Variants in TENM3 observed in about 807,000 individuals in gnomAD.
TENM3 encodes the protein teneurin-3.
In TENM3, 63 loss-of-function variants were observed where a neutral mutation model predicts 255.1. The observed-to-expected ratio is 0.25, with a 90% CI of 0.20 to 0.30. The LOEUF (loss-of-function observed/expected upper bound fraction) is 0.30. Among genes scored for constraint, TENM3 ranks in the 10% least tolerant of loss-of-function variants. TENM3 has a pLI of 1.00. For synonymous variants in TENM3, 1,306 were observed against 1,322.3 expected, an observed-to-expected ratio of 0.99 and a Z score of 0.27; for missense variants, 2,929 against 3,461.1, an observed-to-expected ratio of 0.85 and a Z score of 3.86.
chr4:181,615,067 TC>T, the TENM3 span, among the ~76,000 whole-genome samples: 1 of 152,162 alleles, frequency 6.6e-6, no homozygotes, highest in African/African-American at 2.4e-5. Flanking sequence ...ATGTCTAGGT[TC>T]CCAGGCTGAT....
At chr4:181,644,587 C>T in the TENM3 span, among the ~76,000 whole-genome samples, 4 of 152,150 alleles carry the variant, frequency 2.6e-5, no homozygotes, top group East Asian at 5.8e-4. Flanking sequence ...CTGCCTGCCT[C>T]ACCAAATTCA....
the TENM3 span, among the ~76,000 whole-genome samples, chr4:181,529,354 G>T: frequency 1.3e-5 from 2 of 152,200 alleles, no homozygotes; most frequent in Non-Finnish European, 2.9e-5. Flanking sequence ...CTTGGGCGAT[G>T]ACAGTGTAGT....
chr4:182,009,407 T>A, the TENM3 span, among the ~76,000 whole-genome samples: 1 of 151,892 alleles, frequency 6.6e-6, no homozygotes, highest in Middle Eastern at 3.4e-3. Context: ...CCGAATTCTG[T>A]CCCTGAGCCT....
chr4:182,440,735 C>A (rs1388639999), intron 3 of TENM3, among the ~76,000 whole-genome samples: 1 of 151,936 alleles, frequency 6.6e-6, no homozygotes, highest in African/African-American at 2.4e-5. Context: ...TATGAAAGGT[C>A]CTTATTGAGA....
intron 3 of TENM3, among the ~76,000 whole-genome samples, chr4:182,531,969 G>A (rs1201766175): frequency 6.6e-6 from 1 of 152,180 alleles, no homozygotes; most frequent in African/African-American, 2.4e-5. Flanking sequence ...TTGCAAGCAG[G>A]CCTTTTAAAG....
chr4:181,911,470 T>C, the TENM3 span, among the ~76,000 whole-genome samples: 3 of 152,184 alleles, frequency 2.0e-5, no homozygotes, highest in Non-Finnish European at 2.9e-5. Context: ...GAGAAAGATA[T>C]TCGTGTTGAT....
At chr4:182,263,074 G>A (rs776377465) in intron 1 of TENM3, among the ~76,000 whole-genome samples, 1 of 151,976 alleles carries the variant, frequency 6.6e-6, no homozygotes, top group Non-Finnish European at 1.5e-5. Context: ...GGTCTGGATG[G>A]GGACCCTTTC....
At chr4:182,186,433 C>T (rs1431813014) in intron 1 of TENM3, among the ~76,000 whole-genome samples, 2 of 151,760 alleles carry the variant, frequency 1.3e-5, no homozygotes, top group African/African-American at 2.4e-5. Flanking sequence ...ATGTATATAT[C>T]GATGTCTTTG....
At chr4:181,930,784 G>A in the TENM3 span, among the ~76,000 whole-genome samples, 4 of 152,118 alleles carry the variant, frequency 2.6e-5, no homozygotes, top group African/African-American at 7.2e-5. Flanking sequence ...CTGGCAAACC[G>A]AATCCAGCAG....
chr4:181,524,405 G>A, the TENM3 span, among the ~76,000 whole-genome samples: 2 of 152,204 alleles, frequency 1.3e-5, no homozygotes, highest in African/African-American at 2.4e-5. Context: ...TGAAGCAAAA[G>A]CGAACTCCGT....
At chr4:181,494,805 A>G in the TENM3 span, among the ~76,000 whole-genome samples, 1 of 152,100 alleles carries the variant, frequency 6.6e-6, no homozygotes, top group Non-Finnish European at 1.5e-5. Context: ...TGTCATCTTT[A>G]TAAATCCTCA....
the TENM3 span, among the ~76,000 whole-genome samples, chr4:181,777,457 A>G: frequency 6.6e-6 from 1 of 151,808 alleles, no homozygotes; most frequent in Non-Finnish European, 1.5e-5. Flanking sequence ...TGTCGTTTGT[A>G]TTTGATGGAG....
At chr4:181,846,503 A>G in the TENM3 span, among the ~76,000 whole-genome samples, 1 of 152,258 alleles carries the variant, frequency 6.6e-6, no homozygotes, top group South Asian at 2.1e-4. Context: ...ATTTTGTTTG[A>G]GTCATTTTGG....
At chr4:181,663,048 G>C in the TENM3 span, among the ~76,000 whole-genome samples, 2 of 152,052 alleles carry the variant, frequency 1.3e-5, no homozygotes, top group Non-Finnish European at 2.9e-5. Flanking sequence ...TTTATTTCCT[G>C]GTCTCCGTTT....
chr4:182,121,882 C>A, the TENM3 span, among the ~76,000 whole-genome samples: 1 of 152,188 alleles, frequency 6.6e-6, no homozygotes, highest in African/African-American at 2.4e-5. Flanking sequence ...GTGTGTGATG[C>A]TATTTGATAG....
At chr4:182,796,855 T>C in intron 27 of TENM3, 88 bp downstream of exon 27, 1 of 1,035,952 alleles carries the variant, frequency 9.7e-7, no homozygotes. Context: ...GTGAAAACTG[T>C]ACCAAAGACA....
At chr4:181,900,794 A>G in the TENM3 span, among the ~76,000 whole-genome samples, 1 of 152,186 alleles carries the variant, frequency 6.6e-6, no homozygotes, top group Non-Finnish European at 1.5e-5. Context: ...CCCCCGGAGC[A>G]CAAGAGCTGC....
chr4:182,651,704 A>AAAAAAAAAG (rs1269266945), intron 5 of TENM3, among the ~76,000 whole-genome samples: 2 of 147,796 alleles, frequency 1.4e-5, no homozygotes, highest in East Asian at 4.2e-4. Flanking sequence ...CTCAGAAAAA[A>AAAAAAAAAG]AAAAGAAAAT....
rs148044852 is a variant in TENM3 at position 182,524,242 on chromosome 4, T to C, written c.512-76682T>C. 4.3e-4 allele frequency among the ~76,000 whole-genome samples: 66 copies of C among 152,262 alleles called. 1 individual carries two copies. The highest frequency in any genetic ancestry group is 7.9e-4 in the Non-Finnish European group (54 of 68,030). On this transcript the variant is annotated intron_variant, in intron 3 of 27. Transcript: ENST00000511685. The stretch of plus-strand genomic sequence containing the variant: ...TTAATTATTTTGCCAAATACTTGAA[T>C]GGGTTATCATTTCAAATTGGTGACA...
Sources: allele counts gnomAD v4.1 joint callset (sites outside exome capture counted in the v4.1 genomes callset), GRCh38; gene constraint gnomAD v4.1.1; transcripts MANE v1.5; gene names NCBI Gene and HGNC (gene_info 2026-07-23, HGNC 2026-07-21).